RTP1: variants seen among roughly 807,000 people sequenced by gnomAD.
RTP1 encodes receptor-transporting protein 1.
Under a neutral mutation model 27.1 loss-of-function variants are expected in RTP1, and 24 were observed. That is an observed-to-expected ratio of 0.89 (90% CI 0.64 to 1.25). The LOEUF is 1.25. Among genes scored for constraint, RTP1 ranks in the 50% most tolerant of loss-of-function variants. The pLI is 0.00. For missense variants in RTP1, 338 were observed against 351.6 expected (o/e 0.96, Z 0.31); for synonymous variants, 148 against 148.1 (o/e 1.00, Z 0.00).
chr3:187,197,501 C>T lies in RTP1; in HGVS notation c.-15C>T. 6.2e-7 allele frequency: 1 copy of T among 1,610,872 alleles called. No individual in the cohort carries two copies. Among genetic ancestry groups the T allele is most frequent in the Non-Finnish European group, 8.5e-7 (1 of 1,177,274 alleles). On this transcript the variant is annotated 5_prime_UTR_variant, in exon 1 of 2. Coordinates refer to ENST00000312295, the MANE Select transcript of RTP1 (RefSeq NM_153708.3). Reference sequence around the variant, plus strand: ...AAAGGAGGGAGCTGGGTCCTGCTTCCTCCTGGTCTTGTCGATGAGGATTTT... The same window carrying T: ...AAAGGAGGGAGCTGGGTCCTGCTTCTTCCTGGTCTTGTCGATGAGGATTTT...
At chr3:187,198,770 A>G (rs1181356403) in intron 1 of RTP1, 2 of 152,238 alleles carry the variant, frequency 1.3e-5, no homozygotes, top group East Asian at 1.9e-4. Flanking sequence ...ACATTTTTCA[A>G]TCCAGGTTTT....
chr3:187,199,682 G>A lies in RTP1; in HGVS notation c.404G>A (p.Cys135Tyr), dbSNP rs370630349. Residue 135 changes from cysteine (C) to tyrosine (Y), a missense_variant, in exon 2 of 2, where the codon TGC (cysteine) becomes TAC (tyrosine). Cys to Tyr is a radical substitution (Grantham distance 194). Coordinates refer to ENST00000312295, the MANE Select transcript of RTP1 (RefSeq NM_153708.3). ...GTCTTCAAGCAGCTGTGCTATGAGTGCGGCACGGCGCGGCTGGACGAGTCC... is the reference window on the plus strand; with the variant it reads ...GTCTTCAAGCAGCTGTGCTATGAGTACGGCACGGCGCGGCTGGACGAGTCC... ...MRVFKQLCYE[C>Y]GTARLDESSM... 5 of 1,612,380 alleles carry A rather than the reference G, an allele frequency of 3.1e-6. No homozygotes were observed. The highest frequency in any genetic ancestry group is 4.2e-6 in the Non-Finnish European group (5 of 1,178,702).
Position 187,200,069 on chromosome 3 carries a change from A to G in RTP1, c.791A>G (p.Ter264=). Residue 264 remains the stop codon, a stop_retained_variant, in exon 2 of 2, where the codon TAA becomes TGA. Transcript: ENST00000312295. ...YLQFSFRSSV[*] is the part of the protein sequence containing the mutation. ...CAGTTCTCTTTCCGTAGCTCCGTATAAGATTCCGTGGTTGGGCCCAGAGCC... is the reference window on the plus strand; with the variant it reads ...CAGTTCTCTTTCCGTAGCTCCGTATGAGATTCCGTGGTTGGGCCCAGAGCC... 1.3e-6 allele frequency: 2 copies of G among 1,505,908 alleles called. No individual in the cohort carries two copies. Among genetic ancestry groups the G allele is most frequent in the East Asian group, 2.3e-5 (1 of 43,784 alleles). 93.3% of individuals were successfully genotyped at this position (1,505,908 alleles called of 1,614,324 possible). A position where few individuals can be genotyped will look rare whatever the true frequency, so the allele number is the denominator to read the frequency against.
rs560944459 is a variant in RTP1, at chr3:187,199,829, G to A, written c.551G>A (p.Arg184Gln). 4 of 1,608,710 alleles carry A rather than the reference G, an allele frequency of 2.5e-6. No individual in the cohort carries two copies. The highest frequency in any genetic ancestry group is 8.5e-7 in the Non-Finnish European group (1 of 1,175,872). ...RIHVASRQDN[R>Q]RHRGEFCEAC... The stretch of plus-strand genomic sequence containing the variant: ...CACGTGGCCAGCCGCCAGGACAACC[G>A]GCGGCACCGCGGAGAGTTCTGCGAG... The change falls in exon 2 of 2, where the codon CGG (arginine) becomes CAG (glutamine). Residue 184 changes from arginine (R) to glutamine (Q), a missense_variant. Coordinates refer to ENST00000312295, the MANE Select transcript of RTP1 (RefSeq NM_153708.3).
In RTP1 at chr3:187,200,507, T is replaced by C. The variant is rs962444418; in HGVS notation, c.*437T>C. 6.6e-6 allele frequency: 1 copy of C among 152,174 alleles called. No homozygotes were observed. The highest frequency in any genetic ancestry group is 1.5e-5 in the Non-Finnish European group (1 of 68,650). 9.4% of individuals were successfully genotyped at this position (152,174 alleles called of 1,614,324 possible). Reference sequence around the variant, plus strand: ...TTAAAAAGTTTGAAAATTAGAGGACTGGGTGATCTCAAAAGGGCTTTCCAC... The same window carrying C: ...TTAAAAAGTTTGAAAATTAGAGGACCGGGTGATCTCAAAAGGGCTTTCCAC... On this transcript the variant is annotated 3_prime_UTR_variant, in exon 2 of 2. Coordinates refer to ENST00000312295, the MANE Select transcript of RTP1 (RefSeq NM_153708.3).
chr3:187,199,271 G>A (rs1010493837), intron 1 of RTP1: 1 of 433,834 alleles, frequency 2.3e-6, no homozygotes, highest in Non-Finnish European at 4.1e-6. Flanking sequence ...TAAGAATGAC[G>A]CCCAATGCTG....
In RTP1 at chr3:187,197,601, C is replaced by G. The variant is rs1721625493; in HGVS notation, c.86C>G (p.Pro29Arg). The change falls in exon 1 of 2, where the codon CCT becomes CGT. Residue 29 changes from proline (P) to arginine (R), a missense_variant. By Grantham distance (103) the Pro-to-Arg change is moderately radical. Around this residue, in one of 3 missense-constraint regions of RTP1, gnomAD observed 64 missense variants for 74.5 expected, o/e 0.86. Transcript: ENST00000312295. ...GTGTTCTCACTAAGGTGGAAATTGC[C>G]TTCCCTCACTACTGACGAGACCATG... ...LSVFSLRWKL[P>R]SLTTDETMCK... The G allele has an allele frequency of 1.9e-6, 3 of 1,614,192 alleles. No individual in the cohort carries two copies. In the East Asian group the frequency reaches 6.7e-5, roughly 36 times the overall value.
chr3:187,198,951 G>A (rs1721652438), intron 1 of RTP1, among the ~76,000 whole-genome samples: 1 of 152,152 alleles, frequency 6.6e-6, no homozygotes. Flanking sequence ...TGAGTGGGGA[G>A]GGCTTGTGGC....
chr3:187,200,137 C>T lies in RTP1; in HGVS notation c.*67C>T. ...AGCTGATGCGAGGGTAGAGGAGAGA[C>T]GTGGGTTGAGAATAGTGTAAACTTC... On this transcript the variant is annotated 3_prime_UTR_variant, in exon 2 of 2. Coordinates refer to ENST00000312295, the MANE Select transcript of RTP1 (RefSeq NM_153708.3). 12 of 1,412,872 alleles carry T rather than the reference C, an allele frequency of 8.5e-6. No individual in the cohort carries two copies. Among genetic ancestry groups the T allele is most frequent in the Non-Finnish European group, 1.1e-5 (12 of 1,057,948 alleles). 87.5% of individuals were successfully genotyped at this position (1,412,872 alleles called of 1,614,324 possible).
chr3:187,198,366 C>T (rs943286636), intron 1 of RTP1, among the ~76,000 whole-genome samples: 10 of 152,184 alleles, frequency 6.6e-5, no homozygotes, highest in African/African-American at 9.7e-5. Flanking sequence ...GCAGCAGGAT[C>T]GGCATCACCT....
chr3:187,197,571 T>TCTC lies in RTP1; in HGVS notation c.58_60dup (p.Ser20dup), dbSNP rs1721624973. 6.2e-7 allele frequency: 1 copy of TCTC among 1,613,946 alleles called. No individual in the cohort carries two copies. Among genetic ancestry groups the TCTC allele is most frequent in the South Asian group, 1.1e-5 (1 of 91,078 alleles). ...TGCCCTGCCCTGCACCTACCCTCACTCTCCGTGTTCTCACTAAGGTGGAAA... is the reference window on the plus strand; with the variant it reads ...TGCCCTGCCCTGCACCTACCCTCACTCTCCTCCGTGTTCTCACTAAGGTGGAAA... On this transcript the variant is annotated inframe_insertion, in exon 1 of 2. Coordinates refer to ENST00000312295, the MANE Select transcript of RTP1 (RefSeq NM_153708.3).
At chr3:187,197,931 G>C in intron 1 of RTP1, 144 bp downstream of exon 1, 3 of 771,056 alleles carry the variant, frequency 3.9e-6, no homozygotes, top group Non-Finnish European at 6.1e-6. Flanking sequence ...GGAAGTCAGA[G>C]AAAGAGTCCC....
rs79843810 is a variant in RTP1 at position 187,197,804 on chromosome 3, G to A, written c.272+17G>A. On this transcript the variant is annotated intron_variant, in intron 1 of 1. Coordinates refer to ENST00000312295, the MANE Select transcript of RTP1 (RefSeq NM_153708.3). ...TTCAGGCAGGTGAGTAGCCCAGGAA[G>A]GTGGATCCCTGCAGGCCGCCTCTAG... is the stretch of plus-strand genomic sequence containing the variant. 52,498 of 1,606,220 alleles carry A rather than the reference G, an allele frequency of 0.033. 947 individuals carry two copies. The highest frequency in any genetic ancestry group is 0.051 in the Middle Eastern group (310 of 6,028).
rs1263148471 is a variant in RTP1 at position 187,200,496 on chromosome 3, A to G, written c.*426A>G. 1 of 153,742 alleles carries G rather than the reference A, an allele frequency of 6.5e-6. No homozygotes were observed. Among genetic ancestry groups the G allele is most frequent in the African/African-American group, 2.4e-5 (1 of 41,462 alleles). 9.5% of individuals were successfully genotyped at this position (153,742 alleles called of 1,614,324 possible). ...TTTAACTACTTTTAAAAAGTTTGAA[A>G]ATTAGAGGACTGGGTGATCTCAAAA... is the stretch of plus-strand genomic sequence containing the variant. On this transcript the variant is annotated 3_prime_UTR_variant, in exon 2 of 2. Transcript: ENST00000312295.
At position 187,199,639 on chromosome 3, in the gene RTP1, G is replaced by C. The variant is rs1167464570; in HGVS notation, c.361G>C (p.Gly121Arg). ...HMFLDRAQRA[G>R]SVRMRVFKQL... ...GTTCCTGGACCGCGCCCAGCGGGCG[G>C]GCTCGGTGCGCATGCGCGTCTTCAA... The change falls in exon 2 of 2, where the codon GGC (glycine) becomes CGC (arginine). Residue 121 changes from glycine (G) to arginine (R), a missense_variant. Transcript: ENST00000312295. 1 of 1,609,292 alleles carries C rather than the reference G, an allele frequency of 6.2e-7. No individual in the cohort carries two copies. Among genetic ancestry groups the C allele is most frequent in the Admixed American group, 1.7e-5 (1 of 59,936 alleles).
chr3:187,201,122 C>G lies in RTP1; in HGVS notation c.*1052C>G, dbSNP rs1285850119. On this transcript the variant is annotated 3_prime_UTR_variant, in exon 2 of 2. Transcript: ENST00000312295. Reference sequence around the variant, plus strand: ...AAGATCAGCTGTCCCCCTAAAGCCACAGGGATGGGGTATCTTCAGCAAGAG... The same window carrying G: ...AAGATCAGCTGTCCCCCTAAAGCCAGAGGGATGGGGTATCTTCAGCAAGAG... 6.6e-6 allele frequency: 1 copy of G among 152,202 alleles called. No individual in the cohort carries two copies. The highest frequency in any genetic ancestry group is 1.5e-5 in the Non-Finnish European group (1 of 68,046). The allele number at this position is 152,202 out of a possible 1,614,324, so 9.4% of individuals were successfully genotyped here.
Position 187,201,386 on chromosome 3 carries a change from C to A in RTP1, c.*1316C>A, listed in dbSNP as rs1229898396. ...TACTCTCCTCTTTAATAGAAAGTCA[C>A]CATCATCTGTAGTGATGGAGGAAGG... On this transcript the variant is annotated 3_prime_UTR_variant, in exon 2 of 2. Transcript: ENST00000312295. 1 of 152,128 alleles carries A rather than the reference C, an allele frequency of 6.6e-6. No homozygotes were observed. The highest frequency in any genetic ancestry group is 2.4e-5 in the African/African-American group (1 of 41,416). 9.4% of individuals were successfully genotyped at this position (152,128 alleles called of 1,614,324 possible).
At position 187,199,774 on chromosome 3, in the gene RTP1, T is replaced by G; in HGVS notation, c.496T>G (p.Tyr166Asp). The G allele has an allele frequency of 1.2e-6, 2 of 1,613,548 alleles. No individual in the cohort carries two copies. Among genetic ancestry groups the G allele is most frequent in the Non-Finnish European group, 1.7e-6 (2 of 1,179,638 alleles). The change falls in exon 2 of 2, where the codon TAC becomes GAC. Residue 166 changes from tyrosine (Y) to aspartate (D), a missense_variant. Physicochemically the swap from Tyr to Asp is radical, Grantham distance 160. Around this residue, in one of 3 missense-constraint regions of RTP1, gnomAD observed 252 missense variants for 231.5 expected, o/e 1.09. Transcript: ENST00000312295. ...CATCACCAGCCTGCGCGAGCAGTGCTACGGCGAGCGTGGCGGCCAGTACCG... is the reference window on the plus strand; with the variant it reads ...CATCACCAGCCTGCGCGAGCAGTGCGACGGCGAGCGTGGCGGCCAGTACCG... ...NLITSLREQC[Y>D]GERGGQYRIH...
chr3:187,198,792 TGA>T (rs1450393570), intron 1 of RTP1: 1 of 152,240 alleles, frequency 6.6e-6, no homozygotes, highest in African/African-American at 2.4e-5. Context: ...TAGTCTGGTC[TGA>T]GAGAGGAAAC....
Sources: allele counts gnomAD v4.1 joint callset (sites outside exome capture counted in the v4.1 genomes callset), GRCh38; gene constraint gnomAD v4.1.1; regional missense constraint gnomAD v4.1.1; transcripts MANE v1.5; gene names NCBI Gene and HGNC (gene_info 2026-07-23, HGNC 2026-07-21).